Variants in NBEA observed in about 807,000 individuals in gnomAD.
NBEA encodes the protein lysosomal-trafficking regulator 2.
A neutral mutation model predicts 343.4 loss-of-function variants in NBEA; 44 were observed. The ratio of observed to expected loss-of-function variants is 0.13; its 90% CI spans 0.10 to 0.16. The LOEUF (loss-of-function observed/expected upper bound fraction) is 0.16, where lower values mean the gene tolerates loss of function less well. Ranked by LOEUF, NBEA falls within the 10% of genes least tolerant of loss-of-function variation. The probability of loss-of-function intolerance (pLI) is 1.00; values close to 1 mark genes in which losing one functional copy is unlikely to be tolerated. For synonymous variants in NBEA, 1,175 were observed against 1,238.7 expected (o/e 0.95, Z 1.08); for missense variants, 2,555 against 3,631.3 (o/e 0.70, Z 7.62).
intron 35 of NBEA, among the ~76,000 whole-genome samples, chr13:35,303,660 C>T (rs145183320): frequency 2.4e-3 from 369 of 152,264 alleles, no homozygotes; most frequent in Non-Finnish European, 3.5e-3. Context: ...TTTCAGGACA[C>T]TCCATTCTTT....
In NBEA at chr13:35,628,199, A is replaced by T; in HGVS notation, c.7568A>T (p.Tyr2523Phe). Residue 2523 changes from tyrosine (Y) to phenylalanine (F), a missense_variant, in exon 49 of 59, where the codon TAT becomes TTT. Coordinates refer to ENST00000379939, the MANE Select transcript of NBEA (RefSeq NM_001385012.1). ...RALNVFHYLT[Y>F]EGSVNLDSIT... ...CTGAATGTTTTTCACTACTTGACTT[A>T]TGAAGGCTCTGTGAACCTGGATAGT... 2 of 1,613,100 alleles carry T rather than the reference A, an allele frequency of 1.2e-6. No homozygotes were observed. Among genetic ancestry groups the T allele is most frequent in the Non-Finnish European group, 1.7e-6 (2 of 1,179,484 alleles).
intron 39 of NBEA, among the ~76,000 whole-genome samples, chr13:35,440,442 TA>T (rs1451874716): frequency 2.0e-5 from 3 of 152,178 alleles, no homozygotes; most frequent in African/African-American, 7.2e-5. Context: ...CAAAGTATAT[TA>T]AAAATGTTAT....
chr13:35,342,752 A>T (rs1314804548), intron 36 of NBEA, among the ~76,000 whole-genome samples: 1 of 152,006 alleles, frequency 6.6e-6, no homozygotes, highest in Admixed American at 6.6e-5. Flanking sequence ...AAGCATAGCA[A>T]TGAAAAGAGT....
At chr13:35,662,223 G>T (rs1338474539) in intron 55 of NBEA, among the ~76,000 whole-genome samples, 1 of 152,180 alleles carries the variant, frequency 6.6e-6, no homozygotes, top group African/African-American at 2.4e-5. Context: ...GTTTCCAAAT[G>T]CATGTCTATA....
chr13:35,422,194 A>G (rs1044570453), intron 38 of NBEA, among the ~76,000 whole-genome samples: 2 of 151,288 alleles, frequency 1.3e-5, no homozygotes, highest in African/African-American at 2.4e-5. Context: ...CATGTGCACA[A>G]CGTGCAGGTT....
intron 1 of NBEA, among the ~76,000 whole-genome samples, chr13:34,954,599 A>T (rs1386668019): frequency 6.6e-6 from 1 of 152,118 alleles, no homozygotes. Flanking sequence ...ACATGTATGC[A>T]GTTGTCCCTT....
intron 41 of NBEA, among the ~76,000 whole-genome samples, chr13:35,539,942 A>AAAAAAAT (rs1566289232): frequency 6.8e-6 from 1 of 147,700 alleles, no homozygotes; most frequent in Non-Finnish European, 1.5e-5. Context: ...AAAAAAAAAA[A>AAAAAAAT]GTGCACTAGT....
chr13:35,392,597 A>G (rs548239301), intron 38 of NBEA, among the ~76,000 whole-genome samples: 2 of 152,150 alleles, frequency 1.3e-5, no homozygotes, highest in South Asian at 4.2e-4. Context: ...GGAATGATAT[A>G]TAATACAAAG....
rs755946180 is a variant in NBEA, at chr13:35,429,412, G to GT, written c.6180-2848dup. On this transcript the variant is annotated intron_variant, in intron 38 of 58. Coordinates refer to ENST00000379939, the MANE Select transcript of NBEA (RefSeq NM_001385012.1). ...AAGTTTTCTATCTTGCTAAACTGCT[G>GT]TTTTTTTTTGATCTTTTGACTAGAG... 4.2e-3 allele frequency among the ~76,000 whole-genome samples: 636 copies of GT among 151,196 alleles called. 5 individuals are homozygous for GT. Among genetic ancestry groups the GT allele is most frequent in the Middle Eastern group, 6.8e-3 (2 of 292 alleles).
chr13:35,368,436 G>A (rs1338518), intron 38 of NBEA, among the ~76,000 whole-genome samples: 18,923 of 151,376 alleles, frequency 0.13, 1,695 homozygotes, highest in East Asian at 0.43. Flanking sequence ...ATACCTGTCA[G>A]ATTTGTCACT....
At position 35,584,064 on chromosome 13, in the gene NBEA, G is replaced by A. The variant is rs1373713366; in HGVS notation, c.7176+26G>A. On this transcript the variant is annotated intron_variant, in intron 46 of 58. Coordinates refer to ENST00000379939, the MANE Select transcript of NBEA (RefSeq NM_001385012.1). ...GTGAGTATCTTCATTGAGTTAGCTT[G>A]CCTTTGGTACCTTAAAATTTTAACA... 3.7e-6 allele frequency: 6 copies of A among 1,607,804 alleles called. No homozygotes were observed. The African/African-American group carries it at 6.7e-5, about 18-fold the overall frequency.
intron 39 of NBEA, among the ~76,000 whole-genome samples, chr13:35,449,919 T>C (rs1477993030): frequency 6.6e-6 from 1 of 152,206 alleles, no homozygotes; most frequent in Non-Finnish European, 1.5e-5. Context: ...CCATGTGCTC[T>C]AAATGTGGTT....
chr13:34,992,262 A>ATTT (rs1261240105), intron 1 of NBEA, among the ~76,000 whole-genome samples: 16 of 114,320 alleles, frequency 1.4e-4, no homozygotes, highest in African/African-American at 4.6e-4. Flanking sequence ...ATATATATAT[A>ATTT]TTTTTTTTTT....
chr13:35,377,453 G>A (rs748366095), intron 38 of NBEA, among the ~76,000 whole-genome samples: 8 of 152,286 alleles, frequency 5.3e-5, no homozygotes, highest in Middle Eastern at 3.4e-3. Flanking sequence ...TTCTTGTATA[G>A]CAATAATCTT....
chr13:35,307,274 C>G (rs1001649416), intron 35 of NBEA, among the ~76,000 whole-genome samples: 1 of 152,018 alleles, frequency 6.6e-6, no homozygotes, highest in East Asian at 1.9e-4. Context: ...CAACAATATC[C>G]TACAATTTCC....
intron 35 of NBEA, among the ~76,000 whole-genome samples, chr13:35,303,673 T>C (rs2036699086): frequency 1.3e-5 from 2 of 152,202 alleles, no homozygotes; most frequent in African/African-American, 4.8e-5. Flanking sequence ...CATTCTTTTA[T>C]GCATTCATCA....
intron 1 of NBEA, among the ~76,000 whole-genome samples, chr13:34,950,829 C>T (rs2152483286): frequency 6.6e-6 from 1 of 152,104 alleles, no homozygotes; most frequent in African/African-American, 2.4e-5. Context: ...TGGCTCATGC[C>T]TGTAATTCCA....
At chr13:35,495,583 G>T (rs2076647572) in intron 41 of NBEA, among the ~76,000 whole-genome samples, 1 of 151,826 alleles carries the variant, frequency 6.6e-6, no homozygotes, top group African/African-American at 2.4e-5. Context: ...CCACTGTAAA[G>T]TCAAAAAATC....
chr13:35,036,228 C>T (rs1235559886), intron 1 of NBEA, among the ~76,000 whole-genome samples: 1 of 151,890 alleles, frequency 6.6e-6, no homozygotes, highest in Non-Finnish European at 1.5e-5. Flanking sequence ...ATTATTTTAA[C>T]CTGATAACAT....
Sources: gnomAD v4.1 joint callset for allele counts (sites outside exome capture counted in the v4.1 genomes callset) on GRCh38, gnomAD v4.1.1 for gene constraint, MANE v1.5 for transcripts, NCBI Gene and HGNC (gene_info 2026-07-23, HGNC 2026-07-21) for gene names.